GREB1: variants seen among roughly 807,000 people sequenced by gnomAD.
The protein encoded by GREB1 is growth regulating estrogen receptor binding 1, also known as protein GREB1.
Under a neutral mutation model 200.7 loss-of-function variants are expected in GREB1, and 106 were observed. That is an observed-to-expected ratio of 0.53 (90% CI 0.45 to 0.62). The LOEUF is 0.62. Among genes scored for constraint, GREB1 ranks in the 20% least tolerant of loss-of-function variants. GREB1 has a pLI of 0.00. For synonymous variants in GREB1, 1,132 were observed against 1,092.4 expected (o/e 1.04, Z -0.72); for missense variants, 2,243 against 2,556.8 (o/e 0.88, Z 2.65).
chr2:11,629,890 C>G lies in GREB1; in HGVS notation c.4450-58C>G. ...TGTCACAGCAGAGTGGGCCTGGGGT[C>G]TTCTGGGAAGCAGGCCGGACTCTGA... On this transcript the variant is annotated intron_variant, in intron 25 of 32. Coordinates refer to ENST00000381486, the MANE Select transcript of GREB1 (RefSeq NM_014668.4). The surrounding 1 kb of genome is among the most constrained non-coding windows in gnomAD (Gnocchi z 5.2). 1 of 1,570,956 alleles carries G rather than the reference C, an allele frequency of 6.4e-7. No homozygotes were observed. The highest frequency in any genetic ancestry group is 8.7e-7 in the Non-Finnish European group (1 of 1,147,160).
chr2:11,511,764 G>A (rs918809000), intron 1 of GREB1, among the ~76,000 whole-genome samples: 8 of 152,154 alleles, frequency 5.3e-5, no homozygotes, highest in African/African-American at 1.7e-4. Flanking sequence ...CAAACACTCA[G>A]CCTGTTTGCC....
Position 11,632,126 on chromosome 2 carries a change from T to C in GREB1, c.4816+13T>C, listed in dbSNP as rs1684923496. On this transcript the variant is annotated intron_variant, in intron 27 of 32. Coordinates refer to ENST00000381486, the MANE Select transcript of GREB1 (RefSeq NM_014668.4). ...AGTGCTGGAGTTGGTGAGTGTCCTT[T>C]AACATCATCTACTCAGTCAAACTCC... The C allele has an allele frequency of 6.3e-7, 1 of 1,576,512 alleles. No homozygotes were observed. Among genetic ancestry groups the C allele is most frequent in the Non-Finnish European group, 8.7e-7 (1 of 1,145,992 alleles).
intron 4 of GREB1, among the ~76,000 whole-genome samples, chr2:11,569,045 A>G (rs1379326477): frequency 6.6e-6 from 1 of 152,184 alleles, no homozygotes; most frequent in Non-Finnish European, 1.5e-5. Context: ...GGGAAGCAGC[A>G]GTATTAGGAG....
chr2:11,599,432 T>C (rs1048908030), intron 15 of GREB1, among the ~76,000 whole-genome samples: 8 of 149,312 alleles, frequency 5.4e-5, no homozygotes, highest in Non-Finnish European at 8.9e-5. Context: ...CTCAGCCTCC[T>C]GGGTTCATGC....
chr2:11,537,876 A>G (rs1207309255), intron 1 of GREB1, among the ~76,000 whole-genome samples: 1 of 151,864 alleles, frequency 6.6e-6, no homozygotes, highest in East Asian at 1.9e-4. Context: ...CTATACAGTA[A>G]ATGTATCTTG....
rs1240829544 is a variant in GREB1 at position 11,493,049 on chromosome 2, C to A, written c.-159+10668C>A. Among the ~76,000 whole-genome samples the A allele has an allele frequency of 6.6e-6, 1 of 152,224 alleles. No homozygotes were observed. Among genetic ancestry groups the A allele is most frequent in the Non-Finnish European group, 1.5e-5 (1 of 68,052 alleles). Reference sequence around the variant, plus strand: ...GCAGCTGCTGGCCTTGAGCAATTGTCCCAAGATGATTGATCGTACAAACCT... The same window carrying A: ...GCAGCTGCTGGCCTTGAGCAATTGTACCAAGATGATTGATCGTACAAACCT... On this transcript the variant is annotated intron_variant, in intron 1 of 2. Coordinates refer to the GREB1 transcript ENST00000628795. The surrounding 1 kb of genome is among the most constrained non-coding windows in gnomAD (Gnocchi z 4.6).
chr2:11,500,697 G>A lies in GREB1; in HGVS notation c.-159+18316G>A, dbSNP rs183763592. Among the ~76,000 whole-genome samples, 444 of 152,284 alleles carry A rather than the reference G, an allele frequency of 2.9e-3. 1 individual carries two copies. Among genetic ancestry groups the A allele is most frequent in the Admixed American group, 5.2e-3 (80 of 15,298 alleles). The stretch of plus-strand genomic sequence containing the variant: ...GGCTTAAATGTATCCTTCAAGTAAC[G>A]GACTGTTACTTACTAGGGAAGATGG... On this transcript the variant is annotated intron_variant, in intron 1 of 2. Coordinates refer to the GREB1 transcript ENST00000628795.
At chr2:11,623,886 A>T (rs1403212475) in intron 23 of GREB1, among the ~76,000 whole-genome samples, 3 of 152,170 alleles carry the variant, frequency 2.0e-5, no homozygotes, top group African/African-American at 7.2e-5. Flanking sequence ...TGGGTGACAG[A>T]GCGAGACTCT....
chr2:11,602,432 G>C lies in GREB1; in HGVS notation c.2556G>C (p.Lys852Asn), dbSNP rs756429091. 6.2e-7 allele frequency: 1 copy of C among 1,613,534 alleles called. No individual in the cohort carries two copies. Among genetic ancestry groups the C allele is most frequent in the East Asian group, 2.2e-5 (1 of 44,880 alleles). The change falls in exon 17 of 33, where the codon AAG becomes AAC. Residue 852 changes from lysine to asparagine, a missense_variant. Transcript: ENST00000381486. ...SNGVDLYHEN[K>N]KYFGLSEFIE... ...GAGTGGACTTATATCATGAAAATAA[G>C]AAGTACTTCGGGCTGTCGGAGTTTA...
At chr2:11,592,729 A>G (rs1457800287) in intron 10 of GREB1, 47 bp from the exon 11 acceptor site, 1 of 1,285,290 alleles carries the variant, frequency 7.8e-7, no homozygotes, top group East Asian at 2.8e-5. Flanking sequence ...GCGTCCCCGG[A>G]TGCCGCTGGC....
intron 10 of GREB1, chr2:11,591,621 T>G: frequency 1.7e-6 from 1 of 598,392 alleles, no homozygotes; most frequent in African/African-American, 1.9e-5. Flanking sequence ...CGTGGTAAAC[T>G]GACGCATTCA....
intron 32 of GREB1, among the ~76,000 whole-genome samples, chr2:11,639,197 C>G (rs1262278972): frequency 6.6e-6 from 1 of 152,232 alleles, no homozygotes; most frequent in Non-Finnish European, 1.5e-5. Context: ...TCAAGTGATT[C>G]TCGTGCCTCA....
chr2:11,588,226 T>C, intron 9 of GREB1: 1 of 884,960 alleles, frequency 1.1e-6, no homozygotes. Context: ...AGACACTGTC[T>C]CAAAAAAAAA....
intron 4 of GREB1, among the ~76,000 whole-genome samples, chr2:11,575,554 G>GC (rs1678763162): frequency 1.3e-5 from 2 of 152,182 alleles, no homozygotes; most frequent in Non-Finnish European, 2.9e-5. Flanking sequence ...TGGTGCAGAG[G>GC]CCAGCAGCAG....
In GREB1 at chr2:11,588,849, C is replaced by T. The variant is rs140609046; in HGVS notation, c.1263C>T (p.Tyr421=). 9.3e-6 allele frequency: 15 copies of T among 1,613,938 alleles called. No homozygotes were observed. Among genetic ancestry groups the T allele is most frequent in the East Asian group, 2.2e-5 (1 of 44,886 alleles). ...ATTCCCAGTCTGTCTCACGGGCATA[C>T]GAGCAGTACGGCGCCTCTGCCATCC... ...YQNSQSVSRA[Y]EQYGASAIQP... Residue 421 remains tyrosine (Y), a synonymous_variant, in exon 10 of 33, where the codon TAC becomes TAT. Transcript: ENST00000381486.
intron 1 of GREB1, among the ~76,000 whole-genome samples, chr2:11,538,677 CT>C (rs1558510893): frequency 2.7e-4 from 13 of 47,986 alleles, no homozygotes; most frequent in African/African-American, 6.2e-4. Flanking sequence ...TTCTTTCTTT[CT>C]TTCTTTCTTT....
rs1436722428 is a variant in GREB1, at chr2:11,629,805, A to C, written c.4450-143A>C. On this transcript the variant is annotated intron_variant, in intron 25 of 32. Transcript: ENST00000381486. This position sits in a 1 kb window ranked among gnomAD's most constrained non-coding sequence, Gnocchi z 5.2. ...ACAGACCTGGGTGTCTGCACTTTGC[A>C]CTGGAGTCACCCCGTGGGTTTCTTG... 9 of 763,996 alleles carry C rather than the reference A, an allele frequency of 1.2e-5. No individual in the cohort carries two copies. In the East Asian group the frequency reaches 2.1e-4, roughly 17 times the overall value. The allele number at this position is 763,996 out of a possible 1,614,324, so 47.3% of individuals were successfully genotyped here. A position where few individuals can be genotyped will look rare whatever the true frequency, so the allele number is the denominator to read the frequency against.
intron 1 of GREB1, among the ~76,000 whole-genome samples, chr2:11,497,971 CTTTTTTTTTTTTTTTTT>C (rs70955803): frequency 0.097 from 3,945 of 40,514 alleles, 141 homozygotes; most frequent in Non-Finnish European, 0.15. Context: ...CAGAGCAAAA[CTTTTTTTTTTTTTTTTT>C]TTTTTTTTTT....
intron 2 of GREB1, among the ~76,000 whole-genome samples, chr2:11,559,322 C>T (rs1345007726): frequency 5.3e-5 from 8 of 152,204 alleles, no homozygotes; most frequent in Non-Finnish European, 1.0e-4. Context: ...AATGTCCCCT[C>T]GAGCTTGTTG....
Sources: gnomAD v4.1 joint callset for allele counts (sites outside exome capture counted in the v4.1 genomes callset) on GRCh38, gnomAD v4.1.1 for gene constraint, Gnocchi (gnomAD v3.1) non-coding constraint, MANE v1.5 for transcripts, NCBI Gene and HGNC (gene_info 2026-07-23, HGNC 2026-07-21) for gene names.